CFAP54: variants seen among roughly 807,000 people sequenced by gnomAD.
CFAP54 encodes cilia- and flagella-associated protein 54.
CFAP54 carries 290 observed loss-of-function variants against 370.4 expected under a neutral mutation model. The ratio of observed to expected loss-of-function variants is 0.78; its 90% CI spans 0.71 to 0.86. The LOEUF (loss-of-function observed/expected upper bound fraction) is 0.86. Ranked by LOEUF, CFAP54 falls within the 40% of genes least tolerant of loss-of-function variation. The pLI is 0.00. For synonymous variants in CFAP54, 1,206 were observed against 1,236.5 expected (o/e 0.98, Z 0.52); for missense variants, 3,399 against 3,528.7 (o/e 0.96, Z 0.93).
At chr12:96,502,806 A>C (rs1955045528) in intron 2 of CFAP54, among the ~76,000 whole-genome samples, 1 of 152,212 alleles carries the variant, frequency 6.6e-6, no homozygotes, top group South Asian at 2.1e-4. Flanking sequence ...TGTGGGTTAC[A>C]GAAATGGGGC....
chr12:96,655,268 G>A (rs778175739), intron 36 of CFAP54, among the ~76,000 whole-genome samples: 2 of 150,322 alleles, frequency 1.3e-5, no homozygotes, highest in Non-Finnish European at 3.0e-5. Context: ...CTAGATTGTT[G>A]CATTTAAATA....
At chr12:96,610,221 A>G (rs551280147) in intron 26 of CFAP54, among the ~76,000 whole-genome samples, 2 of 152,382 alleles carry the variant, frequency 1.3e-5, no homozygotes, top group Admixed American at 1.3e-4. Flanking sequence ...AGTGTGTTAT[A>G]ATAGTTTATT....
intron 39 of CFAP54, among the ~76,000 whole-genome samples, chr12:96,667,858 GCT>G (rs1260742881): frequency 6.6e-6 from 1 of 152,034 alleles, no homozygotes; most frequent in Non-Finnish European, 1.5e-5. Context: ...CAATGTTTAT[GCT>G]CTGTCACCTC....
chr12:96,549,827 G>A (rs1187584499), intron 15 of CFAP54, among the ~76,000 whole-genome samples: 1 of 152,150 alleles, frequency 6.6e-6, no homozygotes, highest in East Asian at 1.9e-4. Context: ...TCTCAACTTA[G>A]GGTTTTTAGA....
chr12:96,830,652 A>G (rs1959167838), intron 66 of CFAP54, among the ~76,000 whole-genome samples: 2 of 152,018 alleles, frequency 1.3e-5, no homozygotes, highest in South Asian at 2.1e-4. Flanking sequence ...ATTTACCCAC[A>G]TATTCATCTC....
In CFAP54 at chr12:96,634,046, C is replaced by CTTTTT. The variant is rs71437232; in HGVS notation, c.4316+3418_4316+3422dup. Among the ~76,000 whole-genome samples the CTTTTT allele has an allele frequency of 4.9e-4, 28 of 56,866 alleles. 6 individuals carry two copies. The highest frequency in any genetic ancestry group is 8.3e-4 in the Non-Finnish European group (25 of 30,086). The allele number at this position is 56,866 out of a possible 152,430, so 37.3% of individuals were successfully genotyped here. On this transcript the variant is annotated intron_variant, in intron 32 of 67. Coordinates refer to ENST00000524981, the MANE Select transcript of CFAP54 (RefSeq NM_001306084.2). Reference sequence around the variant, plus strand: ...TCTAATGGCTAATGATAGCGAACATCTTTTTTTTTTTTTTTTTTTTTTTTT... The same window carrying CTTTTT: ...TCTAATGGCTAATGATAGCGAACATCTTTTTTTTTTTTTTTTTTTTTTTTTTTTTT...
intron 32 of CFAP54, among the ~76,000 whole-genome samples, chr12:96,636,638 A>G (rs1956666729): frequency 6.6e-6 from 1 of 151,906 alleles, no homozygotes; most frequent in Non-Finnish European, 1.5e-5. Flanking sequence ...TTTTATGTTT[A>G]TTACTTTCTA....
Position 96,547,943 on chromosome 12 carries a change from C to G in CFAP54, c.2119C>G (p.Pro707Ala). The G allele has an allele frequency of 6.7e-7, 1 of 1,501,266 alleles. No homozygotes were observed. The highest frequency in any genetic ancestry group is 8.9e-7 in the Non-Finnish European group (1 of 1,126,418). The allele number at this position is 1,501,266 out of a possible 1,614,324, so 93.0% of individuals were successfully genotyped here. ...REGTNKFPGA[P>A]KGITEILPIL... ...AGGGACTAACAAATTCCCTGGAGCT[C>G]CAAAAGGGATCACAGAAATTCTTCC... Residue 707 changes from proline to alanine, a missense_variant, in exon 15 of 68, where the codon CCA becomes GCA. Coordinates refer to ENST00000524981, the MANE Select transcript of CFAP54 (RefSeq NM_001306084.2).
At chr12:96,525,722 A>C (rs1565884715) in intron 8 of CFAP54, among the ~76,000 whole-genome samples, 3 of 152,154 alleles carry the variant, frequency 2.0e-5, no homozygotes, top group Admixed American at 6.6e-5. Context: ...ATGGAGTCTC[A>C]CTCTGTCACC....
At chr12:96,558,940 G>T (rs1955785876) in intron 17 of CFAP54, among the ~76,000 whole-genome samples, 1 of 152,136 alleles carries the variant, frequency 6.6e-6, no homozygotes, top group Non-Finnish European at 1.5e-5. Context: ...GTAAGGCTGG[G>T]CACTGTGGCT....
chr12:96,854,639 A>C (rs1010432996), intron 66 of CFAP54, among the ~76,000 whole-genome samples: 1 of 152,210 alleles, frequency 6.6e-6, no homozygotes, highest in Non-Finnish European at 1.5e-5. Flanking sequence ...CAGCCAGTCC[A>C]TGAAGTGTTA....
chr12:96,678,851 A>G (rs888628630), intron 39 of CFAP54, among the ~76,000 whole-genome samples: 1 of 152,088 alleles, frequency 6.6e-6, no homozygotes, highest in African/African-American at 2.4e-5. Flanking sequence ...CCAACTTACC[A>G]TGTAAGTTGC....
chr12:96,696,952 C>T (rs1481806483), intron 45 of CFAP54, among the ~76,000 whole-genome samples: 1 of 152,216 alleles, frequency 6.6e-6, no homozygotes, highest in Non-Finnish European at 1.5e-5. Context: ...ATAGATCACA[C>T]TCTGAAGTTT....
At chr12:96,784,288 A>G (rs1201595248) in intron 60 of CFAP54, among the ~76,000 whole-genome samples, 1 of 152,178 alleles carries the variant, frequency 6.6e-6, no homozygotes, top group Non-Finnish European at 1.5e-5. Flanking sequence ...TTTGGTGTCT[A>G]TCAGTTCCTA....
chr12:96,764,040 A>T, intron 58 of CFAP54, 111 bp from the exon 59 acceptor site: 2 of 616,894 alleles, frequency 3.2e-6, no homozygotes, highest in Non-Finnish European at 5.5e-6. Context: ...ATGTCAATAG[A>T]TACATTATTA....
chr12:96,708,849 C>G, intron 48 of CFAP54, 46 bp downstream of exon 48: 1 of 1,451,032 alleles, frequency 6.9e-7, no homozygotes, highest in Non-Finnish European at 9.5e-7. Flanking sequence ...CTCCCTTTCC[C>G]TAACTGTTCT....
chr12:96,638,533 T>A (rs1956687963), intron 32 of CFAP54, among the ~76,000 whole-genome samples: 1 of 152,052 alleles, frequency 6.6e-6, no homozygotes, highest in Non-Finnish European at 1.5e-5. Flanking sequence ...CCACTGCACC[T>A]GGCCTGCATC....
intron 56 of CFAP54, among the ~76,000 whole-genome samples, chr12:96,756,108 G>C (rs2136659830): frequency 6.6e-6 from 1 of 152,302 alleles, no homozygotes; most frequent in South Asian, 2.1e-4. Context: ...GGAGACAGGG[G>C]AAGGAGGAGA....
At chr12:96,531,638 C>T (rs1206825793) in intron 9 of CFAP54, among the ~76,000 whole-genome samples, 4 of 152,048 alleles carry the variant, frequency 2.6e-5, no homozygotes, top group African/African-American at 7.2e-5. Flanking sequence ...TTTCAGGTCA[C>T]GAATTTCATC....
Sources: allele counts gnomAD v4.1 joint callset (sites outside exome capture counted in the v4.1 genomes callset), GRCh38; gene constraint gnomAD v4.1.1; transcripts MANE v1.5; gene names NCBI Gene and HGNC (gene_info 2026-07-23, HGNC 2026-07-21).